The following XKR9 variants were observed in gnomAD, a reference collection of about 807,000 sequenced individuals.
The protein encoded by XKR9 is XK-related protein 9.
A neutral mutation model predicts 32.0 loss-of-function variants in XKR9; 32 were observed. The observed-to-expected ratio is 1.00, with a 90% CI of 0.76 to 1.34. XKR9 has a LOEUF of 1.34. Ranked by LOEUF, XKR9 falls within the 40% of genes most tolerant of loss-of-function variation. The pLI is 0.00. For synonymous variants in XKR9, 168 were observed against 143.4 expected (o/e 1.17, Z -1.22); for missense variants, 546 against 429.7 (o/e 1.27, Z -2.39).
chr8:70,962,052 A>C, the XKR9 span, among the ~76,000 whole-genome samples: 1 of 152,180 alleles, frequency 6.6e-6, no homozygotes, highest in African/African-American at 2.4e-5. Context: ...ATAAAGCATT[A>C]TTTGAAAGTA....
chr8:70,738,182 C>T (rs1417870889), downstream of XKR9, among the ~76,000 whole-genome samples: 3 of 135,154 alleles, frequency 2.2e-5, no homozygotes, highest in African/African-American at 7.8e-5. Context: ...TCAACTTCTT[C>T]CTGGGTTAGT....
chr8:70,839,367 A>G, the XKR9 span, among the ~76,000 whole-genome samples: 1 of 152,128 alleles, frequency 6.6e-6, no homozygotes, highest in Non-Finnish European at 1.5e-5. Context: ...GTTTCTTTCT[A>G]TATACCATGT....
At chr8:71,065,261 T>A in the XKR9 span, among the ~76,000 whole-genome samples, 1 of 152,008 alleles carries the variant, frequency 6.6e-6, no homozygotes, top group Non-Finnish European at 1.5e-5. Context: ...GTAGTTAAGG[T>A]TAAGTGAGGT....
chr8:70,933,287 T>C, the XKR9 span, among the ~76,000 whole-genome samples: 1 of 152,210 alleles, frequency 6.6e-6, no homozygotes, highest in East Asian at 1.9e-4. Context: ...CTTTCTTTTC[T>C]CTATCCTACA....
Position 70,774,764 on chromosome 8 carries a change from G to A in XKR9, n.353-14575G>A, listed in dbSNP as rs1342489103. Among the ~76,000 whole-genome samples, 3 of 152,154 alleles carry A rather than the reference G, an allele frequency of 2.0e-5. No homozygotes were observed. In the East Asian group the frequency reaches 5.8e-4, roughly 29 times the overall value. On this transcript the variant is annotated intron_variant and non_coding_transcript_variant, in intron 2 of 3. Transcript: ENST00000520273. ...GTCTATTTTATTTGTCTATCCTTAG[G>A]CTAGTGCACACTGTTCTGAAAAATA...
the XKR9 span, among the ~76,000 whole-genome samples, chr8:70,970,858 A>G: frequency 6.6e-6 from 1 of 152,208 alleles, no homozygotes; most frequent in Non-Finnish European, 1.5e-5. Context: ...GGTTGGTAGG[A>G]GCGTAAATTA....
At chr8:70,733,716 A>T (rs753577286) in intron 4 of XKR9, 80 bp from the exon 5 acceptor site, 10 of 1,311,504 alleles carry the variant, frequency 7.6e-6, no homozygotes, top group Middle Eastern at 2.7e-4. Context: ...GTGTATATAG[A>T]TATAGCATGT....
At chr8:71,001,250 A>G in the XKR9 span, among the ~76,000 whole-genome samples, 2 of 151,938 alleles carry the variant, frequency 1.3e-5, no homozygotes, top group Non-Finnish European at 2.9e-5. Context: ...TACTAGTTTG[A>G]TCTCTTTTTA....
At chr8:70,901,181 G>A in the XKR9 span, among the ~76,000 whole-genome samples, 2 of 152,124 alleles carry the variant, frequency 1.3e-5, no homozygotes, top group Non-Finnish European at 2.9e-5. Flanking sequence ...CCCAGTAATG[G>A]GATTGCTGGG....
At chr8:70,865,856 TCAG>T in the XKR9 span, among the ~76,000 whole-genome samples, 4 of 152,218 alleles carry the variant, frequency 2.6e-5, no homozygotes, top group East Asian at 7.7e-4. Flanking sequence ...AGTGAGTACT[TCAG>T]CTATGGAGTG....
At chr8:71,026,014 C>A in the XKR9 span, among the ~76,000 whole-genome samples, 4 of 152,168 alleles carry the variant, frequency 2.6e-5, no homozygotes, top group African/African-American at 9.7e-5. Context: ...TCTCCTCATC[C>A]TCTGTTCTTG....
chr8:70,945,953 G>A, the XKR9 span, among the ~76,000 whole-genome samples: 1 of 152,068 alleles, frequency 6.6e-6, no homozygotes, highest in African/African-American at 2.4e-5. Context: ...TGGCCAACAT[G>A]GTGAAACCCC....
At chr8:71,054,491 A>AGG in the XKR9 span, among the ~76,000 whole-genome samples, 1 of 152,202 alleles carries the variant, frequency 6.6e-6, no homozygotes, top group South Asian at 2.1e-4. Flanking sequence ...GCTGACACTA[A>AGG]GGGTAGGAGC....
the XKR9 span, among the ~76,000 whole-genome samples, chr8:70,802,879 T>C: frequency 9.9e-5 from 15 of 152,238 alleles, no homozygotes; most frequent in African/African-American, 3.4e-4. Flanking sequence ...TAGTTGCCTT[T>C]AGCCATTTTT....
At chr8:70,968,923 G>GGGATC in the XKR9 span, among the ~76,000 whole-genome samples, 3 of 152,306 alleles carry the variant, frequency 2.0e-5, no homozygotes, top group South Asian at 4.1e-4. Context: ...CAGGAGGAAT[G>GGGATC]GGATCGGGGA....
chr8:70,951,868 G>GGC, the XKR9 span, among the ~76,000 whole-genome samples: 2 of 28,444 alleles, frequency 7.0e-5, no homozygotes, highest in African/African-American at 1.4e-4. Flanking sequence ...TAGCATCATT[G>GGC]GGGGGGGGGT....
the XKR9 span, among the ~76,000 whole-genome samples, chr8:71,037,801 G>C: frequency 6.6e-6 from 1 of 152,082 alleles, no homozygotes; most frequent in Non-Finnish European, 1.5e-5. Context: ...TTTTCATTTT[G>C]TCTTGAGTCT....
At chr8:71,050,250 T>C in the XKR9 span, among the ~76,000 whole-genome samples, 45,692 of 131,904 alleles carry the variant, frequency 0.35, 7,699 homozygotes, top group South Asian at 0.55. Flanking sequence ...TATATATATA[T>C]ATATATATAT....
chr8:70,670,907 C>G (rs2132090844), intron 1 of XKR9, among the ~76,000 whole-genome samples: 1 of 152,250 alleles, frequency 6.6e-6, no homozygotes, highest in East Asian at 1.9e-4. Context: ...CACATCTTCC[C>G]TTTTTAAGAA....
Sources: allele counts gnomAD v4.1 joint callset (sites outside exome capture counted in the v4.1 genomes callset), GRCh38; gene constraint gnomAD v4.1.1; transcripts MANE v1.5; gene names NCBI Gene and HGNC (gene_info 2026-07-23, HGNC 2026-07-21).